NME9: variants seen among roughly 807,000 people sequenced by gnomAD.
NME9 encodes NME/NM23 family member 9.
Under a neutral mutation model 44.4 loss-of-function variants are expected in NME9, and 48 were observed. The observed-to-expected ratio is 1.08, with a 90% CI of 0.86 to 1.37. NME9 has a LOEUF of 1.37. NME9 is among the 40% of genes most tolerant of loss of function. The probability of loss-of-function intolerance (pLI) is 0.00; values close to 1 mark genes in which losing one functional copy is unlikely to be tolerated. For missense variants in NME9, 325 were observed against 405.2 expected, an observed-to-expected ratio of 0.80 and a Z score of 1.70; for synonymous variants, 139 against 147.1, an observed-to-expected ratio of 0.94 and a Z score of 0.40.
intron 8 of NME9, chr3:138,274,617 A>G: frequency 9.0e-7 from 1 of 1,113,702 alleles, no homozygotes; most frequent in East Asian, 2.4e-5. Flanking sequence ...AGTCTCCTGA[A>G]ATATTCAAAT....
At chr3:138,293,269 C>T (rs558425436) in intron 8 of NME9, among the ~76,000 whole-genome samples, 58 of 152,284 alleles carry the variant, frequency 3.8e-4, no homozygotes, top group African/African-American at 1.1e-3. Flanking sequence ...AGGCTGGGCG[C>T]GGTGGCTCAC....
At chr3:138,295,848 T>C (rs1473669751) in intron 8 of NME9, 1 of 1,613,560 alleles carries the variant, frequency 6.2e-7, no homozygotes, top group African/African-American at 1.3e-5. Context: ...ACAGGAATTT[T>C]GTGATTTCAG....
rs2052933522 is a variant in NME9 at position 138,314,521 on chromosome 3, A to C, written c.385-114T>G. On this transcript the variant is annotated intron_variant, in intron 5 of 10. Transcript: ENST00000333911. ...AAAGCTCCAAAACACAGAGAAAAAA[A>C]TGTCAAAATTATCAGTCTTGGAAAC... 9 of 670,230 alleles carry C rather than the reference A, an allele frequency of 1.3e-5. No homozygotes were observed. The South Asian group carries it at 1.8e-4, about 14-fold the overall frequency. The allele number at this position is 670,230 out of a possible 1,614,324, so 41.5% of individuals were successfully genotyped here. A position where few individuals can be genotyped will look rare whatever the true frequency, so the allele number is the denominator to read the frequency against.
intron 8 of NME9, among the ~76,000 whole-genome samples, chr3:138,282,893 T>C (rs190015340): frequency 1.4e-4 from 21 of 152,292 alleles, no homozygotes; most frequent in African/African-American, 5.1e-4. Flanking sequence ...CAGATTATTA[T>C]TGATTTCCTT....
chr3:138,280,586 C>T (rs754471796), intron 8 of NME9, among the ~76,000 whole-genome samples: 12 of 150,650 alleles, frequency 8.0e-5, no homozygotes, highest in East Asian at 3.9e-4. Context: ...CTCCGTCTTC[C>T]GGGTTCACGC....
At chr3:138,284,558 A>G (rs750459144) in intron 8 of NME9, 1 of 1,463,950 alleles carries the variant, frequency 6.8e-7, no homozygotes, top group Admixed American at 1.7e-5. Flanking sequence ...CCGTAGGATT[A>G]GAATGCAGGG....
intron 8 of NME9, 64 bp from the exon 9 acceptor site, chr3:138,305,091 G>A (rs1560095034): frequency 4.1e-6 from 6 of 1,475,212 alleles, no homozygotes; most frequent in East Asian, 2.3e-5. Flanking sequence ...GAGGATCAGC[G>A]AGCCCATCTC....
chr3:138,317,776 A>T, intron 4 of NME9, among the ~76,000 whole-genome samples: 1 of 152,218 alleles, frequency 6.6e-6, no homozygotes, highest in East Asian at 1.9e-4. Flanking sequence ...TTCATGAGCC[A>T]AAAAGGAGCA....
intron 8 of NME9, among the ~76,000 whole-genome samples, chr3:138,283,545 T>C (rs1197554742): frequency 2.0e-5 from 3 of 152,346 alleles, no homozygotes; most frequent in East Asian, 1.9e-4. Flanking sequence ...TGTTTTTTTT[T>C]CCTGCCTCAT....
chr3:138,287,501 T>C lies in NME9; in HGVS notation c.745+16006A>G, dbSNP rs770258633. 48 of 367,300 alleles carry C rather than the reference T, an allele frequency of 1.3e-4. No individual in the cohort carries two copies. In the Middle Eastern group the frequency reaches 1.6e-3, roughly 12 times the overall value. 22.8% of individuals were successfully genotyped at this position (367,300 alleles called of 1,614,324 possible). A position where few individuals can be genotyped will look rare whatever the true frequency, so the allele number is the denominator to read the frequency against. ...TAGTAATTTGTGTCCTTAAAAAATA[T>C]TGAATGATGAATAAACTTATGCATA... On this transcript the variant is annotated intron_variant, in intron 8 of 8. Transcript: ENST00000317876.
intron 8 of NME9, chr3:138,284,407 T>C: frequency 6.3e-7 from 1 of 1,583,244 alleles, no homozygotes; most frequent in Non-Finnish European, 8.7e-7. Flanking sequence ...CTTTCCTGAC[T>C]GTTGGCCCTT....
At chr3:138,327,158 CA>C (rs796512612) in intron 1 of NME9, 10,876 of 64,168 alleles carry the variant, frequency 0.17, 1,129 homozygotes, top group African/African-American at 0.38. Flanking sequence ...GAAACTGTCT[CA>C]AAAAAAAAAA....
At chr3:138,289,167 G>T (rs771630214) in intron 8 of NME9, 1 of 1,467,974 alleles carries the variant, frequency 6.8e-7, no homozygotes, top group Admixed American at 1.8e-5. Flanking sequence ...TGGGAAGAGT[G>T]TCTTGCACAG....
chr3:138,301,759 T>G lies in NME9; in HGVS notation c.929-55A>C, dbSNP rs2051865107. On this transcript the variant is annotated intron_variant, in intron 10 of 10. Transcript: ENST00000333911. ...CCTGAAACAGCCCTGTCCCAGACCT[T>G]CTGTCCCACCCACCATCCACAAAGA... 14 of 1,363,648 alleles carry G rather than the reference T, an allele frequency of 1.0e-5. 1 individual carries two copies. The Admixed American group carries it at 1.8e-4, about 17-fold the overall frequency. 84.5% of individuals were successfully genotyped at this position (1,363,648 alleles called of 1,614,324 possible).
intron 8 of NME9, among the ~76,000 whole-genome samples, chr3:138,283,059 T>C (rs1328700262): frequency 6.6e-6 from 1 of 152,212 alleles, no homozygotes; most frequent in Admixed American, 6.5e-5. Flanking sequence ...CTAACTGCCC[T>C]GGAATAAATA....
intron 8 of NME9, among the ~76,000 whole-genome samples, 196 bp downstream of exon 8, chr3:138,305,808 A>G (rs2052211191): frequency 6.6e-6 from 1 of 152,196 alleles, no homozygotes. Flanking sequence ...TTAGAGAGAA[A>G]ACCTTTTCTT....
downstream of NME9, chr3:138,296,024 T>C: frequency 2.6e-6 from 2 of 780,274 alleles, no homozygotes; most frequent in Non-Finnish European, 2.0e-6. Flanking sequence ...AAAAGCAGTT[T>C]AGTAGGCTTA....
intron 8 of NME9, among the ~76,000 whole-genome samples, chr3:138,281,268 A>G (rs748043815): frequency 2.7e-5 from 4 of 149,276 alleles, no homozygotes; most frequent in Admixed American, 6.7e-5. Flanking sequence ...CACATATTCA[A>G]TGAGTTGGCC....
At chr3:138,264,225 G>T in intron 8 of NME9, 2 of 1,611,366 alleles carry the variant, frequency 1.2e-6, no homozygotes, top group Non-Finnish European at 1.7e-6. Context: ...AAGAAGAAAG[G>T]GTCAGCCAGT....
Sources: gnomAD v4.1 joint callset for allele counts (sites outside exome capture counted in the v4.1 genomes callset) on GRCh38, gnomAD v4.1.1 for gene constraint, MANE v1.5 for transcripts, NCBI Gene and HGNC (gene_info 2026-07-23, HGNC 2026-07-21) for gene names.